TMCC2: variants seen among roughly 807,000 people sequenced by gnomAD.
The protein encoded by TMCC2 is transmembrane and coiled-coil domains protein 2.
TMCC2 carries 16 observed loss-of-function variants against 49.4 expected under a neutral mutation model. That is an observed-to-expected ratio of 0.32 (90% CI 0.22 to 0.49). TMCC2 has a LOEUF of 0.49. Among genes scored for constraint, TMCC2 ranks in the 20% least tolerant of loss-of-function variants. The pLI, the probability that TMCC2 is intolerant of heterozygous loss-of-function variation, is 0.99. For missense variants in TMCC2, 762 were observed against 989.8 expected (o/e 0.77, Z 3.09); for synonymous variants, 397 against 434.1 (o/e 0.91, Z 1.06).
At chr1:205,246,668 G>A in intron 2 of TMCC2, 1 of 1,550,330 alleles carries the variant, frequency 6.5e-7, no homozygotes, top group South Asian at 1.2e-5. Flanking sequence ...TGCATGTAGA[G>A]GCAGCCAGGC....
intron 1 of TMCC2, among the ~76,000 whole-genome samples, chr1:205,240,287 G>C (rs1467763518): frequency 6.6e-6 from 1 of 152,258 alleles, no homozygotes; most frequent in Non-Finnish European, 1.5e-5. Flanking sequence ...AGGCCATCCA[G>C]CTGCCCCTCT....
intron 2 of TMCC2, chr1:205,246,708 A>G (rs1392677377): frequency 6.5e-7 from 1 of 1,549,250 alleles, no homozygotes; most frequent in East Asian, 2.4e-5. Flanking sequence ...CAATGAATAC[A>G]TTTTAAAAAT....
chr1:205,228,542 C>A lies in TMCC2; in HGVS notation c.-23C>A. ...AGACGGCGCGCTGGAAGGACAGATT[C>A]CCCTTGCCGACCCACATACACCATG... On this transcript the variant is annotated 5_prime_UTR_variant, in exon 1 of 5. Transcript: ENST00000358024. 6.3e-7 allele frequency: 1 copy of A among 1,580,262 alleles called. No individual in the cohort carries two copies. The highest frequency in any genetic ancestry group is 1.7e-5 in the Admixed American group (1 of 57,426).
intron 2 of TMCC2, among the ~76,000 whole-genome samples, chr1:205,268,546 G>C (rs1661442357): frequency 6.6e-6 from 1 of 152,206 alleles, no homozygotes. Flanking sequence ...CCAGGGAGGT[G>C]GAAGGTGCAG....
At chr1:205,247,823 A>T (rs572148974) in intron 2 of TMCC2, among the ~76,000 whole-genome samples, 53 of 152,172 alleles carry the variant, frequency 3.5e-4, no homozygotes, top group Admixed American at 8.5e-4. Context: ...CAGCCCTGGC[A>T]GGGTTGAGTC....
At chr1:205,257,038 A>G (rs2102582526) in intron 2 of TMCC2, among the ~76,000 whole-genome samples, 1 of 151,002 alleles carries the variant, frequency 6.6e-6, no homozygotes, top group South Asian at 2.1e-4. Flanking sequence ...TCACAGTGGA[A>G]CAGCTGGACT....
chr1:205,229,828 C>CT (rs1175013949), intron 1 of TMCC2: 2 of 985,272 alleles, frequency 2.0e-6, no homozygotes, highest in African/African-American at 3.5e-5. Flanking sequence ...GGCGAGCTGT[C>CT]TTGAATATAT....
intron 2 of TMCC2, among the ~76,000 whole-genome samples, chr1:205,249,660 C>A (rs1214890956): frequency 1.3e-5 from 2 of 152,250 alleles, no homozygotes; most frequent in African/African-American, 4.8e-5. Context: ...CCAGCCTCTG[C>A]CGGCCTGCCC....
At chr1:205,263,109 T>C (rs974808944) in intron 2 of TMCC2, among the ~76,000 whole-genome samples, 3 of 151,890 alleles carry the variant, frequency 2.0e-5, no homozygotes, top group Non-Finnish European at 4.4e-5. Flanking sequence ...CTCTTCTCTC[T>C]CTTGTTCTGA....
intron 4 of TMCC2, 79 bp from the exon 5 acceptor site, chr1:205,271,734 T>A: frequency 1.3e-6 from 2 of 1,526,558 alleles, no homozygotes; most frequent in Non-Finnish European, 1.8e-6. Flanking sequence ...AGGCACCTTC[T>A]CAGTGGGGTA....
At chr1:205,237,891 C>T (rs1452265381) in intron 1 of TMCC2, among the ~76,000 whole-genome samples, 1 of 152,182 alleles carries the variant, frequency 6.6e-6, no homozygotes, top group Non-Finnish European at 1.5e-5. Flanking sequence ...TTCCCCGGGG[C>T]ACCTCACCCT....
Position 205,228,748 on chromosome 1 carries a change from C to A in TMCC2, c.184C>A (p.Arg62=). 1.2e-6 allele frequency: 2 copies of A among 1,607,792 alleles called. No individual in the cohort carries two copies. The highest frequency in any genetic ancestry group is 2.2e-5 in the South Asian group (2 of 90,496). The change falls in exon 1 of 5, where the codon CGA becomes AGA. Residue 62 remains arginine, a synonymous_variant. Transcript: ENST00000358024. ...GAAAAPNPGP[R]SKPPDLKKIQ... ...TGCCGCGGCGCCCAACCCAGGTCCC[C>A]GAAGCAAGCCTCCTGATTTAAAGGT...
intron 2 of TMCC2, among the ~76,000 whole-genome samples, chr1:205,255,806 C>T (rs955243953): frequency 5.3e-5 from 8 of 152,144 alleles, no homozygotes; most frequent in Non-Finnish European, 2.9e-5. Context: ...TACAAATAAC[C>T]CTTATGCAAG....
chr1:205,266,816 T>C (rs1257969566), intron 2 of TMCC2, among the ~76,000 whole-genome samples: 3 of 152,204 alleles, frequency 2.0e-5, no homozygotes, highest in African/African-American at 7.2e-5. Context: ...CCAGACGTCA[T>C]CTTGTATAGC....
At chr1:205,232,934 C>CAAAAAAAAAAAAA (rs35561522) in intron 1 of TMCC2, among the ~76,000 whole-genome samples, 1 of 45,600 alleles carries the variant, frequency 2.2e-5, no homozygotes, top group Non-Finnish European at 3.8e-5. Flanking sequence ...GACCCTATCT[C>CAAAAAAAAAAAAA]AAAAAAAAAA....
In TMCC2 at chr1:205,272,202, T is replaced by C. The variant is rs1042688473; in HGVS notation, c.*78T>C. ...TCCAGGAGGGACCCTTGGACTTCTT[T>C]GTGTGTCCAGTTTGGCCTCCTGCCC... On this transcript the variant is annotated 3_prime_UTR_variant, in exon 5 of 5. Transcript: ENST00000358024. The C allele has an allele frequency of 5.2e-6, 8 of 1,545,004 alleles. No individual in the cohort carries two copies. Among genetic ancestry groups the C allele is most frequent in the Non-Finnish European group, 4.4e-6 (5 of 1,144,724 alleles).
intron 1 of TMCC2, among the ~76,000 whole-genome samples, chr1:205,234,752 C>T (rs1474104942): frequency 1.3e-5 from 2 of 151,830 alleles, no homozygotes; most frequent in South Asian, 2.1e-4. Context: ...TTCTGCCTCC[C>T]GGGTTCAAGC....
Position 205,238,044 on chromosome 1 carries a change from GC to G in TMCC2, c.208-3459del, listed in dbSNP as rs148949098. On this transcript the variant is annotated intron_variant, in intron 1 of 4. Coordinates refer to ENST00000358024, the MANE Select transcript of TMCC2 (RefSeq NM_014858.4). ...GCTCTCTAATGCATGGCTTCATTTG[GC>G]CACCAAAATGGTTTCTGGCAGCCAG... Among the ~76,000 whole-genome samples, 37 of 152,272 alleles carry G rather than the reference GC, an allele frequency of 2.4e-4. No homozygotes were observed. In the East Asian group the frequency reaches 6.6e-3, roughly 27 times the overall value.
At chr1:205,267,770 C>T (rs968202088) in intron 2 of TMCC2, 24 of 496,946 alleles carry the variant, frequency 4.8e-5, no homozygotes, top group Non-Finnish European at 6.0e-5. Context: ...TGGTGCCACC[C>T]TGATGCACTC....
Sources: gnomAD v4.1 joint callset for allele counts (sites outside exome capture counted in the v4.1 genomes callset) on GRCh38, gnomAD v4.1.1 for gene constraint, MANE v1.5 for transcripts, NCBI Gene and HGNC (gene_info 2026-07-23, HGNC 2026-07-21) for gene names.